CACHD1: variants seen among roughly 807,000 people sequenced by gnomAD.
CACHD1 encodes the protein VWFA and cache domain-containing protein 1.
A neutral mutation model predicts 138.7 loss-of-function variants in CACHD1; 71 were observed. The ratio of observed to expected loss-of-function variants is 0.51; its 90% CI spans 0.42 to 0.62. CACHD1 has a LOEUF of 0.62. Ranked by LOEUF, CACHD1 falls within the 20% of genes least tolerant of loss-of-function variation. CACHD1 has a pLI of 0.00. For synonymous variants in CACHD1, 578 were observed against 591.5 expected, an observed-to-expected ratio of 0.98 and a Z score of 0.33; for missense variants, 1,389 against 1,625.3, an observed-to-expected ratio of 0.85 and a Z score of 2.50.
In CACHD1 at chr1:64,665,995, A is replaced by T; in HGVS notation, c.2277-62A>T. 2.1e-6 allele frequency: 2 copies of T among 960,938 alleles called. 1 individual carries two copies. The highest frequency in any genetic ancestry group is 3.2e-5 in the South Asian group (2 of 62,510). The allele number at this position is 960,938 out of a possible 1,614,324, so 59.5% of individuals were successfully genotyped here. A position where few individuals can be genotyped will look rare whatever the true frequency, so the allele number is the denominator to read the frequency against. On this transcript the variant is annotated intron_variant, in intron 15 of 26. Coordinates refer to ENST00000651257, the MANE Select transcript of CACHD1 (RefSeq NM_020925.4). ...ACTCCAGCCTGGGCGACAGAGCAAG[A>T]CTCCATCTCAAAAAAAATAAATAAA...
At chr1:64,564,916 G>A (rs547869939) in intron 2 of CACHD1, among the ~76,000 whole-genome samples, 108 of 152,086 alleles carry the variant, frequency 7.1e-4, no homozygotes, top group South Asian at 1.7e-3. Flanking sequence ...AGGAAGAAAA[G>A]GGACAATGGT....
At chr1:64,643,663 C>T (rs1648807335) in intron 8 of CACHD1, among the ~76,000 whole-genome samples, 1 of 152,118 alleles carries the variant, frequency 6.6e-6, no homozygotes, top group Non-Finnish European at 1.5e-5. Context: ...GGTGAAACCC[C>T]ATCTCTGCTA....
chr1:64,521,636 CT>C (rs1646498741), intron 1 of CACHD1, among the ~76,000 whole-genome samples: 1 of 151,980 alleles, frequency 6.6e-6, no homozygotes, highest in African/African-American at 2.4e-5. Context: ...TTGTTTCCAC[CT>C]TTTGGCTATT....
chr1:64,571,756 C>A (rs1237040024), intron 2 of CACHD1, among the ~76,000 whole-genome samples: 1 of 152,174 alleles, frequency 6.6e-6, no homozygotes, highest in African/African-American at 2.4e-5. Context: ...CAGGTTTCGT[C>A]CTTCATTTAT....
intron 2 of CACHD1, among the ~76,000 whole-genome samples, chr1:64,566,364 A>C (rs939603692): frequency 7.9e-5 from 12 of 152,192 alleles, no homozygotes; most frequent in African/African-American, 2.2e-4. Flanking sequence ...ATTTACTGAC[A>C]AGAAAAATTA....
At chr1:64,564,194 T>G (rs2100492219) in intron 2 of CACHD1, among the ~76,000 whole-genome samples, 1 of 152,274 alleles carries the variant, frequency 6.6e-6, no homozygotes, top group Admixed American at 6.5e-5. Context: ...CCCTGGGAAT[T>G]TTATCAACCA....
chr1:64,664,170 GATAAAT>G, intron 14 of CACHD1: 1 of 448,942 alleles, frequency 2.2e-6, no homozygotes, highest in Non-Finnish European at 3.9e-6. Context: ...TGTCTCTCGA[GATAAAT>G]ATAAGTATAA....
intron 4 of CACHD1, among the ~76,000 whole-genome samples, chr1:64,604,918 T>C (rs1361492282): frequency 6.6e-6 from 1 of 151,418 alleles, no homozygotes; most frequent in Non-Finnish European, 1.5e-5. Flanking sequence ...TCCAAAGTAC[T>C]GGGATTACAG....
intron 15 of CACHD1, among the ~76,000 whole-genome samples, chr1:64,665,517 G>A (rs1308676224): frequency 6.6e-6 from 1 of 152,020 alleles, no homozygotes; most frequent in Non-Finnish European, 1.5e-5. Flanking sequence ...TAAATGCCCA[G>A]ATATATACTG....
chr1:64,604,042 C>T (rs1234837486), intron 4 of CACHD1, among the ~76,000 whole-genome samples: 3 of 152,174 alleles, frequency 2.0e-5, no homozygotes, highest in African/African-American at 7.2e-5. Flanking sequence ...TTCCAGGTCT[C>T]ATGTAGACAC....
At chr1:64,691,237 C>G (rs555794914) in intron 26 of CACHD1, 86 bp from the exon 27 acceptor site, 1 of 1,232,562 alleles carries the variant, frequency 8.1e-7, no homozygotes, top group Admixed American at 1.7e-5. Flanking sequence ...ACAGGAATAC[C>G]TCCCAGTGCC....
chr1:64,628,805 G>A (rs1035356704), intron 4 of CACHD1, among the ~76,000 whole-genome samples: 4 of 152,166 alleles, frequency 2.6e-5, no homozygotes, highest in African/African-American at 4.8e-5. Context: ...ACATAAGGAA[G>A]CCTATATTCC....
chr1:64,675,307 T>C, intron 19 of CACHD1, 94 bp from the exon 20 acceptor site: 1 of 939,962 alleles, frequency 1.1e-6, no homozygotes, highest in Non-Finnish European at 1.6e-6. Context: ...TTTTAAGCTA[T>C]TTTTCGTAGG....
intron 1 of CACHD1, among the ~76,000 whole-genome samples, chr1:64,527,466 A>G (rs1414096269): frequency 6.6e-6 from 1 of 152,196 alleles, no homozygotes; most frequent in Non-Finnish European, 1.5e-5. Context: ...GTGCGGTAAC[A>G]GTGTGGACAC....
chr1:64,565,400 A>G (rs956758276), intron 2 of CACHD1, among the ~76,000 whole-genome samples: 1 of 152,142 alleles, frequency 6.6e-6, no homozygotes, highest in Non-Finnish European at 1.5e-5. Flanking sequence ...CAGATGGAGA[A>G]TTTACAATGA....
intron 2 of CACHD1, among the ~76,000 whole-genome samples, chr1:64,580,500 TTAAA>T (rs1207778015): frequency 6.6e-5 from 10 of 152,160 alleles, no homozygotes; most frequent in African/African-American, 2.4e-4. Flanking sequence ...AGAATAGCCC[TTAAA>T]TAAAACATCT....
chr1:64,589,125 TGAA>T (rs1342064929), intron 3 of CACHD1, among the ~76,000 whole-genome samples: 1 of 152,200 alleles, frequency 6.6e-6, no homozygotes, highest in Non-Finnish European at 1.5e-5. Context: ...ATTCCAAAAA[TGAA>T]GAAACTCTTG....
Position 64,515,492 on chromosome 1 carries a change from C to G in CACHD1, c.199-35102C>G, listed in dbSNP as rs1023773762. Among the ~76,000 whole-genome samples the G allele has an allele frequency of 5.3e-5, 8 of 152,292 alleles. No homozygotes were observed. The Middle Eastern group carries it at 0.01, about 194-fold the overall frequency. Reference sequence around the variant, plus strand: ...TGCAATTAATAATGAAAATGAATTCCTATCCTTGCAAATTCAAAGTATCTC... The same window carrying G: ...TGCAATTAATAATGAAAATGAATTCGTATCCTTGCAAATTCAAAGTATCTC... On this transcript the variant is annotated intron_variant, in intron 1 of 26. Transcript: ENST00000651257.
At position 64,666,097 on chromosome 1, in the gene CACHD1, A is replaced by G. The variant is rs138234085; in HGVS notation, c.2317A>G (p.Thr773Ala). Reference sequence around the variant, plus strand: ...AGCTAATCCAGGGTTGATTTCTTTGACTGGTCCTTACTTAGATGTTGGAGG... The same window carrying G: ...AGCTAATCCAGGGTTGATTTCTTTGGCTGGTCCTTACTTAGATGTTGGAGG... ...AVANPGLISL[T>A]GPYLDVGGAG... Residue 773 changes from threonine to alanine, a missense_variant, in exon 16 of 27, where the codon ACT (threonine) becomes GCT (alanine). Thr to Ala is a moderately conservative substitution (Grantham distance 58). This residue lies in a region of CACHD1 where 1,000 missense variants were observed against 1,114.7 expected (regional missense o/e 0.90). Transcript: ENST00000651257. 52 of 1,613,040 alleles carry G rather than the reference A, an allele frequency of 3.2e-5. No homozygotes were observed. The African/African-American group carries it at 6.1e-4, about 19-fold the overall frequency.
Sources: allele counts gnomAD v4.1 joint callset (sites outside exome capture counted in the v4.1 genomes callset), GRCh38; gene constraint gnomAD v4.1.1; regional missense constraint gnomAD v4.1.1; transcripts MANE v1.5; gene names NCBI Gene and HGNC (gene_info 2026-07-23, HGNC 2026-07-21).